Variants in ADGRF1 observed in about 807,000 individuals in gnomAD.
ADGRF1 encodes adhesion G protein-coupled receptor F1, also known as G protein-coupled receptor 110.
ADGRF1 carries 85 observed loss-of-function variants against 87.2 expected under a neutral mutation model. The observed-to-expected ratio is 0.97, with a 90% CI of 0.82 to 1.17. ADGRF1 has a LOEUF of 1.17. Among genes scored for constraint, ADGRF1 ranks in the 50% most tolerant of loss-of-function variants. ADGRF1 has a pLI of 0.00. For missense variants in ADGRF1, 1,169 were observed against 1,077.2 expected (o/e 1.09, Z -1.19); for synonymous variants, 430 against 408.8 (o/e 1.05, Z -0.63).
At chr6:47,002,830 C>T (rs1341468627) in intron 13 of ADGRF1, among the ~76,000 whole-genome samples, 2 of 152,064 alleles carry the variant, frequency 1.3e-5, no homozygotes, top group African/African-American at 2.4e-5. Flanking sequence ...ATTTGGGGTC[C>T]ATACAGTGTG....
chr6:46,999,324 T>G lies in ADGRF1; in HGVS notation c.*898A>C, dbSNP rs1388792441. 1 of 152,198 alleles carries G rather than the reference T, an allele frequency of 6.6e-6. No individual in the cohort carries two copies. The highest frequency in any genetic ancestry group is 1.5e-5 in the Non-Finnish European group (1 of 68,042). 9.4% of individuals were successfully genotyped at this position (152,198 alleles called of 1,614,324 possible). A position where few individuals can be genotyped will look rare whatever the true frequency, so the allele number is the denominator to read the frequency against. On this transcript the variant is annotated 3_prime_UTR_variant, in exon 15 of 15. Coordinates refer to ENST00000371253, the MANE Select transcript of ADGRF1 (RefSeq NM_153840.4). ...CCTTAATTTCTCTCTTACATAGAAT[T>G]CTGGGAATGGTGAACTGTGTAACTG... is the stretch of plus-strand genomic sequence containing the variant.
rs780145105 is a variant in ADGRF1, at chr6:47,009,793, C to T, written c.1642G>A (p.Gly548Ser). ...DFSHLQWNDA[G>S]CHLVNETQDI... ...TGAGTTTCATTCACTAGGTGGCAGC[C>T]TGCATCGTTCCACTGCAAATGACTG... The change falls in exon 11 of 15, where the codon GGC becomes AGC. Residue 548 changes from glycine (G) to serine (S), a missense_variant. By Grantham distance (56) the Gly-to-Ser change is moderately conservative. Coordinates refer to ENST00000371253, the MANE Select transcript of ADGRF1 (RefSeq NM_153840.4). 5.0e-6 allele frequency: 8 copies of T among 1,614,154 alleles called. No homozygotes were observed. In the Admixed American group the frequency reaches 1.3e-4, roughly 27 times the overall value.
chr6:47,001,428 G>T (rs893182333), intron 14 of ADGRF1, 73 bp downstream of exon 14: 1 of 1,232,052 alleles, frequency 8.1e-7, no homozygotes, highest in South Asian at 1.3e-5. Flanking sequence ...TGTTGCCATT[G>T]AATTTTATTC....
At chr6:47,033,676 G>T (rs539630292) in intron 1 of ADGRF1, among the ~76,000 whole-genome samples, 1 of 152,234 alleles carries the variant, frequency 6.6e-6, no homozygotes, top group Non-Finnish European at 1.5e-5. Context: ...GACTCAAAAA[G>T]AATTAGGCAG....
chr6:47,012,736 G>C (rs1342150692), intron 9 of ADGRF1: 1 of 985,266 alleles, frequency 1.0e-6, no homozygotes, highest in Non-Finnish European at 1.2e-6. Flanking sequence ...TTGACTACTG[G>C]GCTTGTGCCA....
intron 13 of ADGRF1, among the ~76,000 whole-genome samples, 152 bp downstream of exon 13, chr6:47,005,663 CAT>C (rs950546371): frequency 2.0e-5 from 3 of 152,320 alleles, no homozygotes; most frequent in African/African-American, 7.2e-5. Flanking sequence ...TACTACCACT[CAT>C]GTGCCAGGCT....
chr6:47,022,939 G>A (rs945084649), intron 5 of ADGRF1, among the ~76,000 whole-genome samples: 9 of 151,180 alleles, frequency 6.0e-5, no homozygotes, highest in African/African-American at 2.2e-4. Flanking sequence ...CCAAGTAGCT[G>A]GTACTACAGG....
Position 47,000,240 on chromosome 6 carries a change from C to T in ADGRF1, c.2715G>A (p.Gln905=), listed in dbSNP as rs750554611. The change falls in exon 15 of 15, where the codon CAG becomes CAA. Residue 905 remains glutamine (Q), a synonymous_variant. Transcript: ENST00000371253. ...GDSSDNIMLT[Q]FVSNE ...CCTTGCCTTATTCATTTGAGACAAA[C>T]TGAGTTAGCATGATGTTGTCGGAGG... 6.2e-7 allele frequency: 1 copy of T among 1,608,330 alleles called. No homozygotes were observed. Among genetic ancestry groups the T allele is most frequent in the East Asian group, 2.2e-5 (1 of 44,756 alleles).
At chr6:47,023,062 G>A (rs527778839) in intron 5 of ADGRF1, among the ~76,000 whole-genome samples, 10 of 152,134 alleles carry the variant, frequency 6.6e-5, no homozygotes, top group Admixed American at 1.3e-4. Context: ...CAATCAGCCC[G>A]CCTTAGGCTT....
At chr6:47,013,556 G>A in intron 9 of ADGRF1, 2 of 985,504 alleles carry the variant, frequency 2.0e-6, no homozygotes, top group African/African-American at 1.7e-5. Context: ...CTTCTTTTCT[G>A]TGACTTGAGT....
chr6:47,002,267 A>G (rs1779384502), intron 13 of ADGRF1, among the ~76,000 whole-genome samples: 1 of 152,144 alleles, frequency 6.6e-6, no homozygotes, highest in Admixed American at 6.5e-5. Flanking sequence ...TCCTTGCTAC[A>G]GTCTATGCCA....
At chr6:47,036,961 A>G (rs900205958) in intron 1 of ADGRF1, among the ~76,000 whole-genome samples, 2 of 152,184 alleles carry the variant, frequency 1.3e-5, no homozygotes, top group Non-Finnish European at 2.9e-5. Flanking sequence ...GCTTCCTTTC[A>G]CGCATCTGAA....
chr6:47,013,372 A>T lies in ADGRF1; in HGVS notation c.928-1177T>A, dbSNP rs930708596. 1.5e-5 allele frequency: 15 copies of T among 985,442 alleles called. No individual in the cohort carries two copies. The African/African-American group carries it at 2.1e-4, about 14-fold the overall frequency. 61.0% of individuals were successfully genotyped at this position (985,442 alleles called of 1,614,324 possible). ...TCTAATCCCCTTCCCCAGTTTACAG[A>T]TGAGGAAACTGAGATCCACAAAGGG... On this transcript the variant is annotated intron_variant, in intron 9 of 14. Transcript: ENST00000371253.
chr6:47,012,194 T>C lies in ADGRF1; in HGVS notation c.929A>G (p.Asn310Ser). ...VLSLLEELNK[N>S]FSMIVGNATE... ...GGCATTGCCTACAATCATACTGAAA[T>C]TCTAGAAGCGAAAATGGTTAAGTTC... The change falls in exon 10 of 15, where the codon AAT becomes AGT. Residue 310 changes from asparagine to serine, a missense_variant and splice_region_variant. Coordinates refer to ENST00000371253, the MANE Select transcript of ADGRF1 (RefSeq NM_153840.4). 1 of 1,604,130 alleles carries C rather than the reference T, an allele frequency of 6.2e-7. No individual in the cohort carries two copies. The highest frequency in any genetic ancestry group is 2.2e-5 in the East Asian group (1 of 44,632).
At chr6:47,018,291 T>G in intron 7 of ADGRF1, 1,051 of 835,386 alleles carry the variant, frequency 1.3e-3, no homozygotes, top group Non-Finnish European at 1.6e-3. Context: ...CAATAACTCA[T>G]GAGATAAGCA....
At chr6:47,023,401 G>C (rs760347533) in intron 5 of ADGRF1, among the ~76,000 whole-genome samples, 1 of 152,178 alleles carries the variant, frequency 6.6e-6, no homozygotes, top group Non-Finnish European at 1.5e-5. Flanking sequence ...AATATCTGGG[G>C]CTTCCAGTTA....
In ADGRF1 at chr6:47,037,500, T is replaced by C. The variant is rs566086397; in HGVS notation, c.-44+4691A>G. Among the ~76,000 whole-genome samples, 4 of 152,278 alleles carry C rather than the reference T, an allele frequency of 2.6e-5. No individual in the cohort carries two copies. The South Asian group carries it at 6.2e-4, about 24-fold the overall frequency. On this transcript the variant is annotated intron_variant, in intron 1 of 14. Transcript: ENST00000371253. ...TCTTTTCCATTATGGATTTTACTTATTCATTTTTACTTTTGGTTGTATTTA... is the reference window on the plus strand; with the variant it reads ...TCTTTTCCATTATGGATTTTACTTACTCATTTTTACTTTTGGTTGTATTTA...
At position 47,012,199 on chromosome 6, in the gene ADGRF1, G is replaced by A; in HGVS notation, c.928-4C>T. On this transcript the variant is annotated splice_region_variant and splice_polypyrimidine_tract_variant and intron_variant, in intron 9 of 14. Coordinates refer to ENST00000371253, the MANE Select transcript of ADGRF1 (RefSeq NM_153840.4). ...TGCCTACAATCATACTGAAATTCTA[G>A]AAGCGAAAATGGTTAAGTTCTAGAA... 6.2e-7 allele frequency: 1 copy of A among 1,603,912 alleles called. No homozygotes were observed. Among genetic ancestry groups the A allele is most frequent in the South Asian group, 1.1e-5 (1 of 90,716 alleles).
intron 9 of ADGRF1, chr6:47,012,569 A>T (rs1779740217): frequency 1.3e-6 from 1 of 749,932 alleles, no homozygotes; most frequent in Non-Finnish European, 1.6e-6. Context: ...TATCTTAATT[A>T]TACAGAAACT....
Sources: allele counts gnomAD v4.1 joint callset (sites outside exome capture counted in the v4.1 genomes callset), GRCh38; gene constraint gnomAD v4.1.1; transcripts MANE v1.5; gene names NCBI Gene and HGNC (gene_info 2026-07-23, HGNC 2026-07-21).